NF1: variants seen among roughly 807,000 people sequenced by gnomAD.
NF1 encodes the protein neurofibromin.
NF1 carries 122 observed loss-of-function variants against 325.7 expected under a neutral mutation model. That is an observed-to-expected ratio of 0.37 (90% CI 0.32 to 0.44). The LOEUF (loss-of-function observed/expected upper bound fraction) is 0.44. Among genes scored for constraint, NF1 ranks in the 20% least tolerant of loss-of-function variants. The pLI, the probability that NF1 is intolerant of heterozygous loss-of-function variation, is 1.00. For missense variants in NF1, 2,140 were observed against 3,415.4 expected, an observed-to-expected ratio of 0.63 and a Z score of 9.31; for synonymous variants, 1,091 against 1,186.0, an observed-to-expected ratio of 0.92 and a Z score of 1.65.
chr17:31,200,837 TA>T (rs1426949172), intron 9 of NF1, among the ~76,000 whole-genome samples, 199 bp from the exon 10 acceptor site: 1 of 152,160 alleles, frequency 6.6e-6, no homozygotes, highest in Non-Finnish European at 1.5e-5. Flanking sequence ...ATGTGGCAAT[TA>T]GGGCCTGAAA....
intron 1 of NF1, chr17:31,136,826 A>C (rs1446805554): frequency 6.6e-6 from 1 of 152,128 alleles, no homozygotes; most frequent in Non-Finnish European, 1.5e-5. Flanking sequence ...TATGTGTAGG[A>C]AAAAAACATA....
At position 31,277,892 on chromosome 17, in the gene NF1, T is replaced by G. The variant is rs144902854; in HGVS notation, c.4835+12553T>G. ...TGCCTTCTCCTTTATACATAATCTC[T>G]AATATCTCAGTTTGAATTTGCCACC... On this transcript the variant is annotated intron_variant, in intron 36 of 57. Coordinates refer to ENST00000358273, the MANE Select transcript of NF1 (RefSeq NM_001042492.3). Among the ~76,000 whole-genome samples the G allele has an allele frequency of 3.1e-3, 467 of 152,322 alleles. 3 individuals are homozygous for G. Among genetic ancestry groups the G allele is most frequent in the African/African-American group, 0.011 (451 of 41,570 alleles).
At chr17:31,176,224 G>A (rs573682415) in intron 5 of NF1, among the ~76,000 whole-genome samples, 10 of 152,284 alleles carry the variant, frequency 6.6e-5, no homozygotes, top group East Asian at 3.9e-4. Flanking sequence ...TCTTACTGGC[G>A]TGAGATGGTA....
intron 8 of NF1, among the ~76,000 whole-genome samples, chr17:31,193,382 G>C (rs899622083): frequency 6.6e-6 from 1 of 152,118 alleles, no homozygotes; most frequent in Non-Finnish European, 1.5e-5. Context: ...ATGTTGCCCA[G>C]GCTGGTCTCA....
chr17:31,095,556 G>C, intron 1 of NF1, 187 bp downstream of exon 1: 1 of 558,036 alleles, frequency 1.8e-6, no homozygotes, highest in Non-Finnish European at 3.1e-6. Flanking sequence ...GGTAGGAGGG[G>C]ACAGCTGGGA....
intron 1 of NF1, chr17:31,128,469 C>T (rs1164277241): frequency 6.6e-6 from 1 of 151,996 alleles, no homozygotes; most frequent in East Asian, 1.9e-4. Flanking sequence ...ATGTTCTTTC[C>T]TTTCCATATT....
chr17:31,263,113 AGAT>A (rs2067720424), intron 35 of NF1, among the ~76,000 whole-genome samples: 1 of 81,578 alleles, frequency 1.2e-5, no homozygotes, highest in Admixed American at 1.2e-4. Flanking sequence ...GTAGGTAGAT[AGAT>A]AGATAGATAA....
At chr17:31,228,377 C>G (rs1218616052) in intron 20 of NF1, among the ~76,000 whole-genome samples, 3 of 152,102 alleles carry the variant, frequency 2.0e-5, no homozygotes, top group African/African-American at 7.2e-5. Flanking sequence ...ATGTGTGTAC[C>G]TAATACCTTT....
chr17:31,370,741 C>T (rs1217516147), intron 57 of NF1, among the ~76,000 whole-genome samples: 1 of 152,162 alleles, frequency 6.6e-6, no homozygotes, highest in Non-Finnish European at 1.5e-5. Context: ...GCAAGACACA[C>T]AAGAACGAGC....
chr17:31,181,899 T>C lies in NF1; in HGVS notation c.730+114T>C, dbSNP rs17883893. ...TTGTTATAAAGGTGCTTTTACATCT[T>C]CTATTGTCAACTGGTGTCAAATAGG... On this transcript the variant is annotated intron_variant, in intron 7 of 57. Transcript: ENST00000358273. The C allele has an allele frequency of 3.3e-3, 2,563 of 777,106 alleles. 42 individuals carry two copies. In the African/African-American group the frequency reaches 0.039, roughly 12 times the overall value. 48.1% of individuals were successfully genotyped at this position (777,106 alleles called of 1,614,324 possible).
intron 8 of NF1, among the ~76,000 whole-genome samples, chr17:31,196,752 A>G (rs1371189882): frequency 6.6e-6 from 1 of 152,140 alleles, no homozygotes; most frequent in Non-Finnish European, 1.5e-5. Flanking sequence ...ATTCTTTTGC[A>G]TGTGGATAAT....
At chr17:31,322,876 G>GT (rs2069247067) in intron 36 of NF1, among the ~76,000 whole-genome samples, 1 of 151,932 alleles carries the variant, frequency 6.6e-6, no homozygotes, top group Non-Finnish European at 1.5e-5. Context: ...CTTTTTCCCT[G>GT]TTTTTACTGT....
intron 1 of NF1, among the ~76,000 whole-genome samples, chr17:31,144,236 A>T (rs970410488): frequency 3.3e-5 from 5 of 152,200 alleles, no homozygotes; most frequent in African/African-American, 1.2e-4. Flanking sequence ...ATCTATTATA[A>T]CATCTCACTA....
At chr17:31,373,928 C>A (rs2151600919) in intron 57 of NF1, 85 bp from the exon 58 acceptor site, 1 of 1,523,088 alleles carries the variant, frequency 6.6e-7, no homozygotes, top group Non-Finnish European at 9.1e-7. Context: ...AGAATGTGTC[C>A]CCGTTGTTAA....
At chr17:31,099,013 T>C (rs1912051687) in intron 1 of NF1, among the ~76,000 whole-genome samples, 1 of 152,084 alleles carries the variant, frequency 6.6e-6, no homozygotes, top group Non-Finnish European at 1.5e-5. Flanking sequence ...TTATCTGTAC[T>C]TTGCTTTACT....
At chr17:31,153,055 G>A (rs1305835230) in intron 1 of NF1, among the ~76,000 whole-genome samples, 2 of 151,214 alleles carry the variant, frequency 1.3e-5, no homozygotes, top group Non-Finnish European at 2.9e-5. Flanking sequence ...GAGATCTCTT[G>A]TTCATCTCTC....
At chr17:31,188,846 G>A (rs138569450) in intron 8 of NF1, among the ~76,000 whole-genome samples, 1 of 152,266 alleles carries the variant, frequency 6.6e-6, no homozygotes, top group East Asian at 1.9e-4. Context: ...GCCCTCCAGC[G>A]TCGGTCTTCA....
intron 48 of NF1, chr17:31,346,310 A>G: frequency 7.2e-6 from 6 of 837,722 alleles, no homozygotes; most frequent in Non-Finnish European, 1.1e-5. Flanking sequence ...TCTAGTTGAA[A>G]TGGTGAACTG....
At chr17:31,301,989 T>C (rs551584283) in intron 36 of NF1, among the ~76,000 whole-genome samples, 1 of 152,342 alleles carries the variant, frequency 6.6e-6, no homozygotes, top group African/African-American at 2.4e-5. Flanking sequence ...CATTTTCTTC[T>C]GTCCTGCATT....
Sources: allele counts gnomAD v4.1 joint callset (sites outside exome capture counted in the v4.1 genomes callset), GRCh38; gene constraint gnomAD v4.1.1; transcripts MANE v1.5; gene names NCBI Gene and HGNC (gene_info 2026-07-23, HGNC 2026-07-21).